The following KPNA3 variants were observed in gnomAD, a reference collection of about 807,000 sequenced individuals.
KPNA3 encodes importin subunit alpha-4.
KPNA3 carries 13 observed loss-of-function variants against 73.8 expected under a neutral mutation model. The ratio of observed to expected loss-of-function variants is 0.18; its 90% confidence interval spans 0.11 to 0.28. KPNA3 has a LOEUF of 0.28. Ranked by LOEUF, KPNA3 falls within the 10% of genes least tolerant of loss-of-function variation. The pLI, the probability that KPNA3 is intolerant of heterozygous loss-of-function variation, is 1.00. For missense variants in KPNA3, 360 were observed against 618.1 expected (o/e 0.58, Z 4.43); for synonymous variants, 186 against 206.9 (o/e 0.90, Z 0.87).
At chr13:49,722,602 G>A in intron 7 of KPNA3, 39 bp from the exon 8 acceptor site, 1 of 1,269,972 alleles carries the variant, frequency 7.9e-7, no homozygotes, top group Non-Finnish European at 1.1e-6. Context: ...CTAGCAACAT[G>A]TTGAAGAGTT....
At chr13:49,762,307 C>G (rs150325425) in intron 1 of KPNA3, among the ~76,000 whole-genome samples, 1 of 152,090 alleles carries the variant, frequency 6.6e-6, no homozygotes, top group Non-Finnish European at 1.5e-5. Context: ...TCTGCCCAGC[C>G]GCCCCTGCTG....
chr13:49,702,546 T>A, intron 15 of KPNA3, 66 bp from the exon 16 acceptor site: 1 of 743,804 alleles, frequency 1.3e-6, no homozygotes, highest in Non-Finnish European at 2.2e-6. Flanking sequence ...AAAACCACAC[T>A]CATTTTAATC....
intron 1 of KPNA3, among the ~76,000 whole-genome samples, chr13:49,771,128 A>G (rs1030233936): frequency 2.0e-5 from 3 of 151,398 alleles, no homozygotes; most frequent in Non-Finnish European, 4.4e-5. Flanking sequence ...TCAAAAAAAA[A>G]AAAAAAAGAA....
At chr13:49,749,727 C>G (rs921808513) in intron 1 of KPNA3, among the ~76,000 whole-genome samples, 1 of 152,170 alleles carries the variant, frequency 6.6e-6, no homozygotes, top group Non-Finnish European at 1.5e-5. Context: ...ATATAACTCA[C>G]TAGTAGCAAA....
At chr13:49,719,683 C>T in intron 10 of KPNA3, 92 bp downstream of exon 10, 1 of 852,152 alleles carries the variant, frequency 1.2e-6, no homozygotes, top group Non-Finnish European at 1.9e-6. Context: ...AGAAACTTGA[C>T]AAGTTGATAA....
At position 49,707,750 on chromosome 13, in the gene KPNA3, T is replaced by G. The variant is rs551634722; in HGVS notation, c.1033-1378A>C. On this transcript the variant is annotated intron_variant, in intron 12 of 16. Transcript: ENST00000261667. Reference sequence around the variant, plus strand: ...TAAAAATTTCTTTAGTAAAAGTAACTGGCCCAGAGTCTGAAAGTCTCTGGC... The same window carrying G: ...TAAAAATTTCTTTAGTAAAAGTAACGGGCCCAGAGTCTGAAAGTCTCTGGC... Among the ~76,000 whole-genome samples, 3 of 152,132 alleles carry G rather than the reference T, an allele frequency of 2.0e-5. No individual in the cohort carries two copies. The East Asian group carries it at 5.8e-4, about 29-fold the overall frequency.
At chr13:49,734,104 T>G (rs750401142) in intron 2 of KPNA3, among the ~76,000 whole-genome samples, 71 of 152,246 alleles carry the variant, frequency 4.7e-4, no homozygotes, top group Non-Finnish European at 8.5e-4. Context: ...TTAATAAGAC[T>G]TCTAAAATTC....
chr13:49,759,420 G>A (rs1391832434), intron 1 of KPNA3, among the ~76,000 whole-genome samples: 3 of 152,214 alleles, frequency 2.0e-5, no homozygotes, highest in Non-Finnish European at 4.4e-5. Flanking sequence ...AGTAGAAGGA[G>A]TGGTTTCAGG....
At chr13:49,719,974 T>C (rs752033311) in intron 9 of KPNA3, among the ~76,000 whole-genome samples, 155 bp from the exon 10 acceptor site, 23 of 152,150 alleles carry the variant, frequency 1.5e-4, no homozygotes, top group Non-Finnish European at 2.8e-4. Context: ...GAAAACCTGA[T>C]AAATTCAATC....
intron 2 of KPNA3, among the ~76,000 whole-genome samples, chr13:49,746,462 G>GA (rs1182799637): frequency 6.6e-6 from 1 of 152,030 alleles, no homozygotes; most frequent in Non-Finnish European, 1.5e-5. Context: ...TGGACAGAGT[G>GA]AAACGCTGTC....
Position 49,725,511 on chromosome 13 carries a change from A to C in KPNA3, c.384-10T>G, listed in dbSNP as rs1566339789. The C allele has an allele frequency of 1.1e-5, 17 of 1,539,338 alleles. No homozygotes were observed. Among genetic ancestry groups the C allele is most frequent in the Non-Finnish European group, 1.4e-5 (16 of 1,119,922 alleles). On this transcript the variant is annotated splice_polypyrimidine_tract_variant and intron_variant, in intron 6 of 16. Coordinates refer to ENST00000261667, the MANE Select transcript of KPNA3 (RefSeq NM_002267.4). Reference sequence around the variant, plus strand: ...AAACTGTAATGAAGGACTGTAAAAAAACAATAACACATCTTTTTAGACACA... The same window carrying C: ...AAACTGTAATGAAGGACTGTAAAAACACAATAACACATCTTTTTAGACACA...
chr13:49,743,457 G>A (rs1421155591), intron 2 of KPNA3, among the ~76,000 whole-genome samples: 2 of 151,918 alleles, frequency 1.3e-5, no homozygotes, highest in Non-Finnish European at 2.9e-5. Flanking sequence ...GCTTACTTGG[G>A]GAATTCTTAA....
chr13:49,787,582 T>C (rs901868309), intron 1 of KPNA3, among the ~76,000 whole-genome samples: 7 of 152,088 alleles, frequency 4.6e-5, no homozygotes, highest in African/African-American at 1.2e-4. Context: ...CCACAGCTCA[T>C]TGTAACCTCT....
At chr13:49,747,465 A>T (rs182758081) in intron 1 of KPNA3, among the ~76,000 whole-genome samples, 1 of 152,250 alleles carries the variant, frequency 6.6e-6, no homozygotes, top group Non-Finnish European at 1.5e-5. Context: ...CTGGAGGATC[A>T]CTTGGGGCCA....
chr13:49,739,344 C>A (rs1954552513), intron 2 of KPNA3, among the ~76,000 whole-genome samples: 1 of 152,110 alleles, frequency 6.6e-6, no homozygotes, highest in Non-Finnish European at 1.5e-5. Context: ...CATTATTCAA[C>A]CAACACACAT....
At chr13:49,756,253 G>A (rs117318382) in intron 1 of KPNA3, among the ~76,000 whole-genome samples, 2,229 of 152,290 alleles carry the variant, frequency 0.015, 71 homozygotes, top group Admixed American at 0.076. Context: ...CAGCCACAGC[G>A]ACAGAGATAG....
At chr13:49,762,108 G>T (rs1260593622) in intron 1 of KPNA3, among the ~76,000 whole-genome samples, 4 of 115,976 alleles carry the variant, frequency 3.4e-5, no homozygotes, top group Non-Finnish European at 6.4e-5. Context: ...GGAGGGAGGT[G>T]GGGGGCAGCC....
chr13:49,736,792 A>G (rs1259545338), intron 2 of KPNA3, among the ~76,000 whole-genome samples: 1 of 152,058 alleles, frequency 6.6e-6, no homozygotes, highest in Non-Finnish European at 1.5e-5. Flanking sequence ...CCAAAAACAC[A>G]AGATGCATTC....
At chr13:49,704,457 AT>A (rs80098658) in intron 15 of KPNA3, among the ~76,000 whole-genome samples, 12 of 92,956 alleles carry the variant, frequency 1.3e-4, no homozygotes, top group African/African-American at 3.2e-4. Flanking sequence ...AAATAAATAA[AT>A]AAATAAATAA....
Sources: allele counts gnomAD v4.1 joint callset (sites outside exome capture counted in the v4.1 genomes callset), GRCh38; gene constraint gnomAD v4.1.1; transcripts MANE v1.5; gene names NCBI Gene and HGNC (gene_info 2026-07-23, HGNC 2026-07-21).